Variants in CALU observed in about 807,000 individuals in gnomAD.
CALU encodes the protein IEF SSP 9302.
Under a neutral mutation model 37.5 loss-of-function variants are expected in CALU, and 13 were observed. The observed-to-expected ratio is 0.35, with a 90% CI of 0.23 to 0.55. CALU has a LOEUF of 0.55. CALU is among the 20% of genes least tolerant of loss of function. The pLI is 0.89. For synonymous variants in CALU, 114 were observed against 133.8 expected (o/e 0.85, Z 1.02); for missense variants, 282 against 391.7 (o/e 0.72, Z 2.36).
chr7:128,761,626 A>G (rs965366756), intron 5 of CALU: 1 of 152,394 alleles, frequency 6.6e-6, no homozygotes, highest in East Asian at 1.9e-4. Context: ...GATGGAAAGT[A>G]TAAGACTGTT....
In CALU at chr7:128,771,019, A is replaced by G. The variant is rs996766551; in HGVS notation, c.*1852A>G. ...ATAGTGGATATACTCTTTTAAGTTT[A>G]GCCCCAATATAGGGTAATGGAAATT... On this transcript the variant is annotated 3_prime_UTR_variant, in exon 7 of 7. Coordinates refer to ENST00000249364, the MANE Select transcript of CALU (RefSeq NM_001219.5). 1 of 152,632 alleles carries G rather than the reference A, an allele frequency of 6.6e-6. No individual in the cohort carries two copies. Among genetic ancestry groups the G allele is most frequent in the African/African-American group, 2.4e-5 (1 of 41,442 alleles). The allele number at this position is 152,632 out of a possible 1,614,324, so 9.5% of individuals were successfully genotyped here.
At chr7:128,762,579 A>G (rs1801163916) in intron 5 of CALU, among the ~76,000 whole-genome samples, 1 of 151,904 alleles carries the variant, frequency 6.6e-6, no homozygotes, top group Admixed American at 6.6e-5. Context: ...AGGGAAAGAA[A>G]AAAAAAAACA....
chr7:128,744,165 C>T (rs1022724208), intron 1 of CALU, among the ~76,000 whole-genome samples: 1 of 152,156 alleles, frequency 6.6e-6, no homozygotes, highest in Non-Finnish European at 1.5e-5. Flanking sequence ...AAGATCACAC[C>T]ACTGCACTCC....
At position 128,772,495 on chromosome 7, in the gene CALU, G is replaced by T; in HGVS notation, c.*3328G>T. On this transcript the variant is annotated 3_prime_UTR_variant, in exon 7 of 7. Transcript: ENST00000249364. Reference sequence around the variant, plus strand: ...GGAGACAATAGAAACTTACTTAAAAGTAAAATTTAATTCTAGCTGTTGCAA... The same window carrying T: ...GGAGACAATAGAAACTTACTTAAAATTAAAATTTAATTCTAGCTGTTGCAA... The T allele has an allele frequency of 6.2e-7, 1 of 1,612,814 alleles. No individual in the cohort carries two copies. Among genetic ancestry groups the T allele is most frequent in the Non-Finnish European group, 8.5e-7 (1 of 1,178,914 alleles).
At chr7:128,755,501 T>G (rs1382243317) in intron 3 of CALU, among the ~76,000 whole-genome samples, 1 of 152,162 alleles carries the variant, frequency 6.6e-6, no homozygotes, top group Non-Finnish European at 1.5e-5. Context: ...ATTTAACTAT[T>G]TCAGTATGTC....
intron 1 of CALU, among the ~76,000 whole-genome samples, chr7:128,744,909 G>A (rs1800373497): frequency 6.6e-6 from 1 of 152,120 alleles, no homozygotes. Context: ...TGGAATTCTG[G>A]TATCCTTGTA....
At chr7:128,767,709 G>T (rs887974273) in intron 6 of CALU, 54 bp downstream of exon 6, 49 of 1,412,330 alleles carry the variant, frequency 3.5e-5, no homozygotes, top group Non-Finnish European at 4.8e-5. Context: ...TGCTTCTAGG[G>T]GATCACCTGA....
chr7:128,751,453 G>T (rs956912501), intron 2 of CALU, among the ~76,000 whole-genome samples: 1 of 152,070 alleles, frequency 6.6e-6, no homozygotes, highest in Non-Finnish European at 1.5e-5. Context: ...TGGGCTAGGC[G>T]CAATGGCTCA....
chr7:128,764,806 A>G (rs954727974), intron 5 of CALU, among the ~76,000 whole-genome samples: 2 of 150,916 alleles, frequency 1.3e-5, no homozygotes, highest in African/African-American at 2.4e-5. Context: ...GTTTAAATTT[A>G]TAGGGATTTG....
At chr7:128,754,523 T>C in intron 3 of CALU, 68 bp downstream of exon 3, 1 of 1,582,552 alleles carries the variant, frequency 6.3e-7, no homozygotes, top group South Asian at 1.1e-5. Flanking sequence ...CTGTTTTGTC[T>C]TGTAGAATGA....
At position 128,748,735 on chromosome 7, in the gene CALU, C is replaced by T. The variant is rs1350639406; in HGVS notation, c.152C>T (p.Ala51Val). The T allele has an allele frequency of 6.2e-7, 1 of 1,614,148 alleles. No homozygotes were observed. Among genetic ancestry groups the T allele is most frequent in the Non-Finnish European group, 8.5e-7 (1 of 1,180,010 alleles). Reference protein sequence around the residue: ...DAQSFDYDHDAFLGAEEAKTF... With the variant: ...DAQSFDYDHDVFLGAEEAKTF... ...CAGAGTTTTGATTATGACCATGATG[C>T]CTTCTTGGGTGCTGAAGAAGCAAAG... Residue 51 changes from alanine to valine, a missense_variant, in exon 2 of 7, where the codon GCC (alanine) becomes GTC (valine). Ala to Val is a moderately conservative substitution (Grantham distance 64, BLOSUM62 0). Transcript: ENST00000249364.
intron 2 of CALU, 116 bp downstream of exon 2, chr7:128,748,920 T>G: frequency 1.5e-6 from 1 of 652,038 alleles, no homozygotes; most frequent in Non-Finnish European, 2.6e-6. Flanking sequence ...TAATACATCT[T>G]CTGAAAGCTA....
chr7:128,764,184 T>C (rs1801234221), intron 5 of CALU, among the ~76,000 whole-genome samples: 1 of 152,062 alleles, frequency 6.6e-6, no homozygotes. Context: ...TCCCAGAACT[T>C]TGGGAGGCTG....
chr7:128,748,879 C>T (rs570391903), intron 2 of CALU, 75 bp downstream of exon 2: 10 of 997,268 alleles, frequency 1.0e-5, no homozygotes, highest in Admixed American at 8.7e-5. Context: ...TCTTTTCTGG[C>T]TCAGTTATGA....
chr7:128,749,247 C>G (rs1800566525), intron 2 of CALU, among the ~76,000 whole-genome samples: 1 of 152,208 alleles, frequency 6.6e-6, no homozygotes, highest in Non-Finnish European at 1.5e-5. Context: ...CCGAGGTGTC[C>G]TTCACCCTCT....
intron 1 of CALU, among the ~76,000 whole-genome samples, chr7:128,740,720 A>G (rs1286138895): frequency 6.6e-6 from 1 of 152,142 alleles, no homozygotes; most frequent in Non-Finnish European, 1.5e-5. Flanking sequence ...GCTCACAAAA[A>G]TGTATTGAGT....
intron 2 of CALU, among the ~76,000 whole-genome samples, chr7:128,751,432 A>C (rs1389633758): frequency 6.6e-6 from 1 of 152,014 alleles, no homozygotes; most frequent in Non-Finnish European, 1.5e-5. Flanking sequence ...GCACACTTAC[A>C]TATACAATTT....
rs555249135 is a variant in CALU, at chr7:128,747,974, G to A, written c.-11-599G>A. 1.8e-3 allele frequency: 321 copies of A among 180,102 alleles called. 8 individuals are homozygous for A. The South Asian group carries it at 0.043, about 24-fold the overall frequency. The allele number at this position is 180,102 out of a possible 1,614,324, so 11.2% of individuals were successfully genotyped here. A position where few individuals can be genotyped will look rare whatever the true frequency, so the allele number is the denominator to read the frequency against. On this transcript the variant is annotated intron_variant, in intron 1 of 6. Transcript: ENST00000249364. ...GATTTGGCCTTTGAAGGTGACTCAAGGTTGAGCCTGGATGTTGGAGACTTG... is the reference window on the plus strand; with the variant it reads ...GATTTGGCCTTTGAAGGTGACTCAAAGTTGAGCCTGGATGTTGGAGACTTG...
At chr7:128,756,904 C>T (rs974575024) in intron 3 of CALU, among the ~76,000 whole-genome samples, 5 of 152,030 alleles carry the variant, frequency 3.3e-5, no homozygotes, top group African/African-American at 1.2e-4. Flanking sequence ...AGCCAGACCC[C>T]GTCTTTACAA....
Sources: allele counts gnomAD v4.1 joint callset (sites outside exome capture counted in the v4.1 genomes callset), GRCh38; gene constraint gnomAD v4.1.1; transcripts MANE v1.5; gene names NCBI Gene and HGNC (gene_info 2026-07-23, HGNC 2026-07-21).